SPNS3: variants seen among roughly 807,000 people sequenced by gnomAD.
The protein encoded by SPNS3 is SPNS lysolipid transporter 3, sphingosine-1-phosphate (putative).
SPNS3 carries 51 observed loss-of-function variants against 54.4 expected under a neutral mutation model. The observed-to-expected ratio is 0.94, with a 90% CI of 0.75 to 1.18. The LOEUF (loss-of-function observed/expected upper bound fraction) is 1.18, where lower values mean the gene tolerates loss of function less well. Ranked by LOEUF, SPNS3 falls within the 50% of genes most tolerant of loss-of-function variation. SPNS3 has a pLI of 0.00. For missense variants in SPNS3, 669 were observed against 677.4 expected, an observed-to-expected ratio of 0.99 and a Z score of 0.14; for synonymous variants, 309 against 294.7, an observed-to-expected ratio of 1.05 and a Z score of -0.50.
intron 2 of SPNS3, among the ~76,000 whole-genome samples, chr17:4,441,937 G>T: frequency 6.8e-6 from 1 of 148,074 alleles, no homozygotes; most frequent in South Asian, 2.1e-4. Flanking sequence ...GGTTCTTACC[G>T]TAGTGGTCAA....
chr17:4,453,160 C>G lies in SPNS3; in HGVS notation c.1068C>G (p.Leu356=). 6.2e-7 allele frequency: 1 copy of G among 1,614,000 alleles called. No individual in the cohort carries two copies. The highest frequency in any genetic ancestry group is 8.5e-7 in the Non-Finnish European group (1 of 1,179,980). ...GCCTGCTTGCCACAGCCCCCTGCCTCTACCTGGCTCTCGTCCTGGCCCCGA... is the reference window on the plus strand; with the variant it reads ...GCCTGCTTGCCACAGCCCCCTGCCTGTACCTGGCTCTCGTCCTGGCCCCGA... The part of the protein sequence containing the change: ...ASSLLATAPC[L]YLALVLAPTT... The change falls in exon 8 of 12, where the codon CTC becomes CTG. Residue 356 remains leucine (L), a synonymous_variant. Transcript: ENST00000355530.
At chr17:4,449,097 C>A (rs1971084117) in intron 6 of SPNS3, 138 bp from the exon 7 acceptor site, 3 of 1,008,780 alleles carry the variant, frequency 3.0e-6, no homozygotes, top group East Asian at 2.7e-5. Context: ...GAGGGGGTAG[C>A]AAATGCTACC....
chr17:4,449,229 T>C lies in SPNS3; in HGVS notation c.771-6T>C. The C allele has an allele frequency of 1.9e-6, 3 of 1,609,582 alleles. No individual in the cohort carries two copies. The highest frequency in any genetic ancestry group is 2.5e-6 in the Non-Finnish European group (3 of 1,179,522). On this transcript the variant is annotated splice_polypyrimidine_tract_variant and splice_region_variant and intron_variant, in intron 6 of 11. Coordinates refer to ENST00000355530, the MANE Select transcript of SPNS3 (RefSeq NM_182538.5). ...CCAACTCCAGCTGGGGCACCTCGTC[T>C]TGCAGCTGGAGTTTCGTGTGGTCGA...
chr17:4,452,808 G>A (rs1236964203), intron 7 of SPNS3, among the ~76,000 whole-genome samples: 1 of 152,040 alleles, frequency 6.6e-6, no homozygotes, highest in East Asian at 1.9e-4. Context: ...AGGGGGTAGG[G>A]GAGAGCAGTG....
chr17:4,436,132 T>C (rs774903654), intron 1 of SPNS3, among the ~76,000 whole-genome samples: 18 of 152,092 alleles, frequency 1.2e-4, no homozygotes, highest in Non-Finnish European at 1.0e-4. Flanking sequence ...AGAGGCTGGT[T>C]GATGGCAGTC....
Position 4,446,192 on chromosome 17 carries a change from G to C in SPNS3, c.547G>C (p.Val183Leu). The C allele has an allele frequency of 6.2e-7, 1 of 1,609,000 alleles. No individual in the cohort carries two copies. Among genetic ancestry groups the C allele is most frequent in the Non-Finnish European group, 8.5e-7 (1 of 1,176,384 alleles). Residue 183 changes from valine (V) to leucine (L), a missense_variant, in exon 4 of 12, where the codon GTT becomes CTT. Coordinates refer to ENST00000355530, the MANE Select transcript of SPNS3 (RefSeq NM_182538.5). ...GGCTGTCTTCTACATCTTTATCCCC[G>C]TTGGAAGGTTGGTATCACCCGTGGG... ...VLAVFYIFIP[V>L]GSGLGYVLGS...
intron 8 of SPNS3, among the ~76,000 whole-genome samples, chr17:4,472,988 T>G (rs1020515426): frequency 4.6e-5 from 7 of 151,528 alleles, no homozygotes; most frequent in African/African-American, 1.7e-4. Flanking sequence ...AGAGGCTCAC[T>G]ATGTTGTCCA....
At chr17:4,434,545 G>A (rs573720274) in intron 1 of SPNS3, among the ~76,000 whole-genome samples, 3 of 152,096 alleles carry the variant, frequency 2.0e-5, no homozygotes, top group Admixed American at 6.5e-5. Context: ...CGCCCAGGCT[G>A]GAGTGTAGTG....
chr17:4,487,921 G>A lies in SPNS3; in HGVS notation c.*27G>A. The A allele has an allele frequency of 6.2e-7, 1 of 1,604,202 alleles. No individual in the cohort carries two copies. The highest frequency in any genetic ancestry group is 8.5e-7 in the Non-Finnish European group (1 of 1,171,478). ...GTCCCTGCCTACACTCGTCCTGCCT[G>A]CAAGCCTCCCGTTGGTCCCCACAGC... On this transcript the variant is annotated 3_prime_UTR_variant, in exon 12 of 12. Coordinates refer to ENST00000355530, the MANE Select transcript of SPNS3 (RefSeq NM_182538.5).
At position 4,434,140 on chromosome 17, in the gene SPNS3, A is replaced by G; in HGVS notation, c.173A>G (p.Asn58Ser). The change falls in exon 1 of 12, where the codon AAT becomes AGT. Residue 58 changes from asparagine (N) to serine (S), a missense_variant. By Grantham distance (46) the Asn-to-Ser change is conservative. Transcript: ENST00000355530. ...GTCCTCTGCTACATCAACCTCCTGA[A>G]TTACATGAACTGGTTCATCATTGCA... ...AAVLCYINLL[N>S]YMNWFIIAGV... 2.5e-6 allele frequency: 4 copies of G among 1,611,722 alleles called. No homozygotes were observed. Among genetic ancestry groups the G allele is most frequent in the African/African-American group, 1.3e-5 (1 of 74,950 alleles).
At chr17:4,456,791 T>G (rs370013190) in intron 8 of SPNS3, among the ~76,000 whole-genome samples, 1 of 152,108 alleles carries the variant, frequency 6.6e-6, no homozygotes, top group East Asian at 1.9e-4. Flanking sequence ...CTCAGCTCAC[T>G]GCAACCTCTG....
chr17:4,436,976 T>C (rs547291201), intron 1 of SPNS3, among the ~76,000 whole-genome samples: 1 of 152,354 alleles, frequency 6.6e-6, no homozygotes, highest in East Asian at 1.9e-4. Context: ...TGGAGGTCCC[T>C]GGCTGGGCCC....
chr17:4,464,730 G>A (rs1244828836), intron 8 of SPNS3, among the ~76,000 whole-genome samples: 1 of 152,002 alleles, frequency 6.6e-6, no homozygotes, highest in Non-Finnish European at 1.5e-5. Context: ...GAGCAGGCTG[G>A]AGTGCAGTGG....
intron 2 of SPNS3, among the ~76,000 whole-genome samples, chr17:4,443,020 C>G (rs1232974021): frequency 2.0e-5 from 3 of 152,048 alleles, no homozygotes; most frequent in African/African-American, 7.2e-5. Context: ...GCAAGTGATC[C>G]CTGCATGTGA....
chr17:4,442,656 T>TAACA (rs1453787043), intron 2 of SPNS3, among the ~76,000 whole-genome samples: 1 of 152,146 alleles, frequency 6.6e-6, no homozygotes, highest in Non-Finnish European at 1.5e-5. Context: ...TATTTAAAAC[T>TAACA]AACACTGACT....
intron 7 of SPNS3, among the ~76,000 whole-genome samples, chr17:4,452,568 G>T (rs186658837): frequency 6.6e-6 from 1 of 152,202 alleles, no homozygotes; most frequent in East Asian, 1.9e-4. Flanking sequence ...TATCACAGGG[G>T]CTCAGTAAAT....
intron 8 of SPNS3, among the ~76,000 whole-genome samples, chr17:4,477,143 C>T (rs1972023599): frequency 6.6e-6 from 1 of 152,392 alleles, no homozygotes; most frequent in South Asian, 2.1e-4. Context: ...TTCAACCTCA[C>T]CATGCACAGG....
At chr17:4,457,659 G>A (rs922969058) in intron 8 of SPNS3, among the ~76,000 whole-genome samples, 2 of 152,198 alleles carry the variant, frequency 1.3e-5, no homozygotes, top group Non-Finnish European at 2.9e-5. Flanking sequence ...TGGGGCTGGG[G>A]GCCCCCTGCC....
chr17:4,469,790 G>T (rs1172507376), intron 8 of SPNS3, among the ~76,000 whole-genome samples: 1 of 152,132 alleles, frequency 6.6e-6, no homozygotes, highest in Non-Finnish European at 1.5e-5. Context: ...GGCTGTGAAT[G>T]CGCAGTGCTA....
Sources: gnomAD v4.1 joint callset for allele counts (sites outside exome capture counted in the v4.1 genomes callset) on GRCh38, gnomAD v4.1.1 for gene constraint, MANE v1.5 for transcripts, NCBI Gene and HGNC (gene_info 2026-07-23, HGNC 2026-07-21) for gene names.